ADORA2B: variants seen among roughly 807,000 people sequenced by gnomAD.
The protein encoded by ADORA2B is adenosine receptor A2b.
In ADORA2B, 18 loss-of-function variants were observed where a neutral mutation model predicts 20.8. That is an observed-to-expected ratio of 0.87 (90% CI 0.60 to 1.29). The LOEUF is 1.29. ADORA2B is among the 50% of genes most tolerant of loss of function. The pLI, the probability that ADORA2B is intolerant of heterozygous loss-of-function variation, is 0.00. For synonymous variants in ADORA2B, 179 were observed against 178.3 expected (o/e 1.00, Z -0.03); for missense variants, 441 against 422.7 (o/e 1.04, Z -0.38).
chr17:15,875,690 C>G, the ADORA2B span, among the ~76,000 whole-genome samples: 6 of 152,214 alleles, frequency 3.9e-5, no homozygotes, highest in African/African-American at 1.4e-4. Flanking sequence ...TCAAGTGATT[C>G]TCCTGCCTCA....
chr17:15,931,933 T>C, the ADORA2B span, among the ~76,000 whole-genome samples: 1 of 151,914 alleles, frequency 6.6e-6, no homozygotes, highest in Non-Finnish European at 1.5e-5. Context: ...GGTTTAACCA[T>C]GTTGGTCAGG....
At chr17:15,858,295 A>G in the ADORA2B span, among the ~76,000 whole-genome samples, 1 of 151,798 alleles carries the variant, frequency 6.6e-6, no homozygotes, top group Admixed American at 6.6e-5. Context: ...TGGCCTTCCT[A>G]ACAGGTGTGA....
At chr17:15,928,204 A>G in the ADORA2B span, among the ~76,000 whole-genome samples, 2 of 152,070 alleles carry the variant, frequency 1.3e-5, no homozygotes, top group East Asian at 1.9e-4. Flanking sequence ...GGCAAGACGT[A>G]TGTTGCTGGT....
At chr17:15,950,422 C>T (rs188727170) in intron 1 of ADORA2B, among the ~76,000 whole-genome samples, 28 of 152,286 alleles carry the variant, frequency 1.8e-4, no homozygotes, top group Non-Finnish European at 3.1e-4. Context: ...CCTAGATCAA[C>T]GCCCCTTCAC....
At position 15,955,499 on chromosome 17, in the gene ADORA2B, C is replaced by T. The variant is rs568492921; in HGVS notation, c.335+9916C>T. On this transcript the variant is annotated intron_variant, in intron 1 of 1. Coordinates refer to ENST00000304222, the MANE Select transcript of ADORA2B (RefSeq NM_000676.4). ...CTGGCTCACTGCAACCTCCATCTCCCGGGCTCAGGCAATTCTCCTGCCTCA... is the reference window on the plus strand; with the variant it reads ...CTGGCTCACTGCAACCTCCATCTCCTGGGCTCAGGCAATTCTCCTGCCTCA... Among the ~76,000 whole-genome samples, 14 of 151,768 alleles carry T rather than the reference C, an allele frequency of 9.2e-5. 1 individual carries two copies. The South Asian group carries it at 1.9e-3, about 20-fold the overall frequency.
the ADORA2B span, chr17:15,908,603 GC>G: frequency 5.2e-6 from 1 of 192,436 alleles, no homozygotes. Context: ...GCAGTATGTG[GC>G]CCAAATCTAC....
At chr17:15,866,781 C>T in the ADORA2B span, among the ~76,000 whole-genome samples, 8 of 144,006 alleles carry the variant, frequency 5.6e-5, no homozygotes, top group Admixed American at 1.4e-4. Context: ...CCTCTGATGC[C>T]GAGCCAAAGC....
At chr17:15,894,280 A>G in the ADORA2B span, among the ~76,000 whole-genome samples, 1 of 152,226 alleles carries the variant, frequency 6.6e-6, no homozygotes, top group Non-Finnish European at 1.5e-5. Flanking sequence ...ATTAATGAAC[A>G]AGGATAAGTC....
the ADORA2B span, among the ~76,000 whole-genome samples, chr17:15,938,342 G>C: frequency 6.6e-6 from 1 of 152,040 alleles, no homozygotes; most frequent in East Asian, 1.9e-4. Flanking sequence ...CCACTCTGTC[G>C]CCTGGGCTGG....
the ADORA2B span, among the ~76,000 whole-genome samples, chr17:15,921,655 C>G: frequency 6.6e-6 from 1 of 152,084 alleles, no homozygotes; most frequent in East Asian, 1.9e-4. Flanking sequence ...GGTTAAGTGG[C>G]AAGGGATAGA....
chr17:15,955,720 CTTT>C (rs150614152), intron 1 of ADORA2B, among the ~76,000 whole-genome samples: 2 of 119,938 alleles, frequency 1.7e-5, no homozygotes, highest in African/African-American at 3.1e-5. Flanking sequence ...CTCTGGGATT[CTTT>C]TTTTTTTTTT....
chr17:15,966,849 T>C (rs1268595343), intron 1 of ADORA2B, among the ~76,000 whole-genome samples: 2 of 152,246 alleles, frequency 1.3e-5, no homozygotes, highest in African/African-American at 2.4e-5. Flanking sequence ...TCGCCTGTTA[T>C]TCACTCTCCT....
At chr17:15,915,952 C>T in the ADORA2B span, among the ~76,000 whole-genome samples, 6 of 152,178 alleles carry the variant, frequency 3.9e-5, no homozygotes, top group Non-Finnish European at 4.4e-5. Context: ...TAAAGTTAAC[C>T]GTCACACAAG....
At chr17:15,905,803 G>C in the ADORA2B span, among the ~76,000 whole-genome samples, 1 of 151,968 alleles carries the variant, frequency 6.6e-6, no homozygotes, top group Admixed American at 6.6e-5. Context: ...CTATAGGGAC[G>C]TGCCCCCATG....
chr17:15,869,790 A>G, the ADORA2B span, among the ~76,000 whole-genome samples: 1 of 152,152 alleles, frequency 6.6e-6, no homozygotes, highest in Non-Finnish European at 1.5e-5. Flanking sequence ...AGTGATAAAA[A>G]CATTTTTCAG....
At chr17:15,939,614 C>T in the ADORA2B span, among the ~76,000 whole-genome samples, 2 of 152,084 alleles carry the variant, frequency 1.3e-5, no homozygotes, top group Non-Finnish European at 2.9e-5. Context: ...AATCCCAGCA[C>T]TTTGGGAGGC....
chr17:15,885,827 A>G, the ADORA2B span, among the ~76,000 whole-genome samples: 4 of 152,240 alleles, frequency 2.6e-5, no homozygotes, highest in Admixed American at 1.3e-4. Context: ...CTGAGAGATG[A>G]GAAAACTAAA....
the ADORA2B span, among the ~76,000 whole-genome samples, chr17:15,891,776 G>A: frequency 3.7e-4 from 56 of 151,640 alleles, 1 homozygote; most frequent in African/African-American, 1.3e-3. Context: ...CCACTTCTTG[G>A]GTTCAAGTGA....
chr17:15,909,744 G>A, the ADORA2B span, among the ~76,000 whole-genome samples: 52 of 152,318 alleles, frequency 3.4e-4, no homozygotes, highest in African/African-American at 1.1e-3. Context: ...AATCCCAACA[G>A]TATTTCGGCT....
Sources: gnomAD v4.1 joint callset for allele counts (sites outside exome capture counted in the v4.1 genomes callset) on GRCh38, gnomAD v4.1.1 for gene constraint, MANE v1.5 for transcripts, NCBI Gene and HGNC (gene_info 2026-07-23, HGNC 2026-07-21) for gene names.